Variants in C2CD5 observed in about 807,000 individuals in gnomAD.
The protein encoded by C2CD5 is C2 domain-containing protein 5.
In C2CD5, 109 loss-of-function variants were observed where a neutral mutation model predicts 130.3. The ratio of observed to expected loss-of-function variants is 0.84; its 90% CI spans 0.72 to 0.98. The LOEUF is 0.98. Among genes scored for constraint, C2CD5 ranks in the 50% least tolerant of loss-of-function variants. C2CD5 has a pLI of 0.00. For synonymous variants in C2CD5, 454 were observed against 429.2 expected (o/e 1.06, Z -0.71); for missense variants, 996 against 1,261.8 (o/e 0.79, Z 3.19).
Position 22,472,582 on chromosome 12 carries a change from AT to A in C2CD5, c.2107+161del, listed in dbSNP as rs1211127168. 8 of 657,544 alleles carry A rather than the reference AT, an allele frequency of 1.2e-5. No homozygotes were observed. The East Asian group carries it at 2.2e-4, about 18-fold the overall frequency. 40.7% of individuals were successfully genotyped at this position (657,544 alleles called of 1,614,324 possible). ...CTTCCACCTAAGTTCTAACATAAGT[AT>A]TTTTAAGGTATGTTTTCTACCTTGG... On this transcript the variant is annotated intron_variant, in intron 17 of 26. Coordinates refer to ENST00000446597, the MANE Select transcript of C2CD5 (RefSeq NM_001286176.2).
intron 22 of C2CD5, among the ~76,000 whole-genome samples, chr12:22,465,256 G>A (rs1430931909): frequency 6.6e-6 from 1 of 151,632 alleles, no homozygotes; most frequent in African/African-American, 2.4e-5. Context: ...CAGGAAACAA[G>A]GTGGGTATTA....
At chr12:22,540,007 A>G (rs1436925545) in intron 2 of C2CD5, among the ~76,000 whole-genome samples, 1 of 152,046 alleles carries the variant, frequency 6.6e-6, no homozygotes, top group Non-Finnish European at 1.5e-5. Context: ...AAAAAAAAAA[A>G]AAAGAGAAAA....
chr12:22,452,624 T>C (rs997614841), intron 26 of C2CD5, among the ~76,000 whole-genome samples: 2 of 150,584 alleles, frequency 1.3e-5, no homozygotes, highest in Non-Finnish European at 2.9e-5. Flanking sequence ...TCTCATAGTT[T>C]TGTTTATCAC....
At chr12:22,462,626 C>G (rs568890389) in intron 22 of C2CD5, among the ~76,000 whole-genome samples, 2 of 152,172 alleles carry the variant, frequency 1.3e-5, no homozygotes, top group Admixed American at 6.5e-5. Context: ...TTCTTCCTCC[C>G]TCAAACAGAC....
intron 22 of C2CD5, among the ~76,000 whole-genome samples, chr12:22,466,104 A>G (rs1406677712): frequency 6.6e-6 from 1 of 152,132 alleles, no homozygotes. Context: ...TTTACATGAC[A>G]TTCACCCATT....
chr12:22,538,631 C>G (rs1346414335), intron 2 of C2CD5, among the ~76,000 whole-genome samples: 1 of 152,184 alleles, frequency 6.6e-6, no homozygotes, highest in Non-Finnish European at 1.5e-5. Context: ...TAATCTGTAT[C>G]CCCCTTTCCT....
intron 15 of C2CD5, 176 bp downstream of exon 15, chr12:22,478,137 G>C (rs982269332): frequency 1.7e-6 from 1 of 595,490 alleles, no homozygotes; most frequent in Admixed American, 2.8e-5. Flanking sequence ...AGGATCGTTA[G>C]AGTAGGCTTA....
intron 2 of C2CD5, among the ~76,000 whole-genome samples, chr12:22,542,802 T>C (rs970370300): frequency 2.0e-5 from 3 of 152,210 alleles, no homozygotes; most frequent in East Asian, 1.9e-4. Flanking sequence ...CACTGTAACA[T>C]GGGACAATAA....
At chr12:22,480,210 A>G (rs1944506053) in intron 14 of C2CD5, among the ~76,000 whole-genome samples, 1 of 152,192 alleles carries the variant, frequency 6.6e-6, no homozygotes, top group African/African-American at 2.4e-5. Context: ...GAGAACACAG[A>G]CTCTGGCATC....
chr12:22,450,765 T>C (rs1190932498), intron 26 of C2CD5, among the ~76,000 whole-genome samples: 1 of 152,122 alleles, frequency 6.6e-6, no homozygotes, highest in Non-Finnish European at 1.5e-5. Flanking sequence ...ATTGTTTTTG[T>C]AGCACTGTAT....
chr12:22,478,836 ACT>A (rs1458384257), intron 14 of C2CD5, among the ~76,000 whole-genome samples: 2 of 151,054 alleles, frequency 1.3e-5, no homozygotes, highest in African/African-American at 4.9e-5. Context: ...ACAGAGCAAG[ACT>A]CTGTCTCAAA....
chr12:22,505,204 T>G (rs993623790), intron 10 of C2CD5, among the ~76,000 whole-genome samples: 4 of 151,856 alleles, frequency 2.6e-5, no homozygotes, highest in Non-Finnish European at 4.4e-5. Context: ...AGTCATTATC[T>G]ACAATATTTT....
At chr12:22,513,488 G>A (rs921695982) in intron 8 of C2CD5, 109 bp from the exon 9 acceptor site, 35 of 762,146 alleles carry the variant, frequency 4.6e-5, no homozygotes, top group African/African-American at 3.8e-4. Flanking sequence ...TAAAATGATC[G>A]AAACATTTAA....
intron 9 of C2CD5, among the ~76,000 whole-genome samples, chr12:22,507,734 C>A (rs1044632705): frequency 3.9e-5 from 6 of 152,166 alleles, no homozygotes; most frequent in African/African-American, 1.4e-4. Flanking sequence ...GCTCACTTAA[C>A]TGGAATCACT....
At chr12:22,470,664 CG>C (rs1644894564) in intron 21 of C2CD5, among the ~76,000 whole-genome samples, 159 bp downstream of exon 21, 1 of 152,058 alleles carries the variant, frequency 6.6e-6, no homozygotes, top group African/African-American at 2.4e-5. Context: ...GTCAGCCATA[CG>C]CTTATCCACA....
intron 25 of C2CD5, among the ~76,000 whole-genome samples, chr12:22,454,618 C>T (rs1053967571): frequency 6.7e-6 from 1 of 148,558 alleles, no homozygotes; most frequent in African/African-American, 2.5e-5. Flanking sequence ...TTGGTCCCAA[C>T]TTACATATAA....
At position 22,484,836 on chromosome 12, in the gene C2CD5, C is replaced by T; in HGVS notation, c.1411G>A (p.Glu471Lys). 1 of 1,605,832 alleles carries T rather than the reference C, an allele frequency of 6.2e-7. No individual in the cohort carries two copies. The highest frequency in any genetic ancestry group is 1.9e-4 in the Middle Eastern group (1 of 5,278). ...TGAGCTGGAAATGGCATATTCAGTTCATCATATGGTATATGACAAAATCCA... is the reference window on the plus strand; with the variant it reads ...TGAGCTGGAAATGGCATATTCAGTTTATCATATGGTATATGACAAAATCCA... ...RCGFCHIPYD[E>K]LNMPFPAHLT... Residue 471 changes from glutamate (E) to lysine (K), a missense_variant, in exon 13 of 27, where the codon GAA becomes AAA. Physicochemically the swap from Glu to Lys is moderately conservative, Grantham distance 56 (BLOSUM62 1). Transcript: ENST00000446597.
intron 22 of C2CD5, among the ~76,000 whole-genome samples, chr12:22,465,595 C>T (rs1941930352): frequency 6.6e-6 from 1 of 151,992 alleles, no homozygotes; most frequent in East Asian, 1.9e-4. Context: ...AGAAGAATCT[C>T]GCTGATTTTT....
At chr12:22,473,821 T>C (rs1348414519) in intron 16 of C2CD5, among the ~76,000 whole-genome samples, 4 of 152,168 alleles carry the variant, frequency 2.6e-5, no homozygotes, top group African/African-American at 4.8e-5. Flanking sequence ...TTGAGTAGCA[T>C]TGCTGTAAAT....
Sources: allele counts gnomAD v4.1 joint callset (sites outside exome capture counted in the v4.1 genomes callset), GRCh38; gene constraint gnomAD v4.1.1; transcripts MANE v1.5; gene names NCBI Gene and HGNC (gene_info 2026-07-23, HGNC 2026-07-21).